Variants in ALMS1 observed in about 807,000 individuals in gnomAD.
ALMS1 encodes the protein ALMS1 centrosome and basal body associated protein.
A neutral mutation model predicts 352.2 loss-of-function variants in ALMS1; 271 were observed. The ratio of observed to expected loss-of-function variants is 0.77; its 90% confidence interval spans 0.70 to 0.85. The LOEUF (loss-of-function observed/expected upper bound fraction) is 0.85. Ranked by LOEUF, ALMS1 falls within the 40% of genes least tolerant of loss-of-function variation. The pLI, the probability that ALMS1 is intolerant of heterozygous loss-of-function variation, is 0.00. For synonymous variants in ALMS1, 1,865 were observed against 1,761.2 expected, an observed-to-expected ratio of 1.06 and a Z score of -1.48; for missense variants, 5,445 against 4,870.7, an observed-to-expected ratio of 1.12 and a Z score of -3.51.
chr2:73,609,352 T>C (rs925597353), intron 22 of ALMS1, among the ~76,000 whole-genome samples: 10 of 152,246 alleles, frequency 6.6e-5, no homozygotes, highest in African/African-American at 2.2e-4. Context: ...TGTGTCTCTA[T>C]AGAAATAATA....
rs779240181 is a variant in ALMS1 at position 73,490,645 on chromosome 2, G to A, written c.8686G>A (p.Ala2896Thr). 8 of 1,614,044 alleles carry A rather than the reference G, an allele frequency of 5.0e-6. No homozygotes were observed. In the Admixed American group the frequency reaches 1.2e-4, roughly 24 times the overall value. The change falls in exon 10 of 23, where the codon GCA becomes ACA. Residue 2896 changes from alanine (A) to threonine (T), a missense_variant. By Grantham distance (58) the Ala-to-Thr change is moderately conservative. Coordinates refer to ENST00000613296, the MANE Select transcript of ALMS1 (RefSeq NM_001378454.1). Reference sequence around the variant, plus strand: ...CTTTGAACAAAGCAAAGCCCCACGTGCAGATGACCATGTGAGGAAACACCA... The same window carrying A: ...CTTTGAACAAAGCAAAGCCCCACGTACAGATGACCATGTGAGGAAACACCA... Reference protein sequence around the residue: ...ELFEQSKAPRADDHVRKHHSP... With the variant: ...ELFEQSKAPRTDDHVRKHHSP...
intron 21 of ALMS1, among the ~76,000 whole-genome samples, chr2:73,606,787 T>A (rs1342796764): frequency 6.6e-6 from 1 of 152,194 alleles, no homozygotes; most frequent in Non-Finnish European, 1.5e-5. Context: ...GGCCTTCAAT[T>A]GTGTCCTATT....
intron 10 of ALMS1, among the ~76,000 whole-genome samples, chr2:73,501,718 A>G (rs1673221916): frequency 6.6e-6 from 1 of 152,128 alleles, no homozygotes; most frequent in African/African-American, 2.4e-5. Flanking sequence ...TCTTGAAATC[A>G]GGTTATGTCC....
chr2:73,532,936 C>A (rs577071789), intron 11 of ALMS1, among the ~76,000 whole-genome samples: 1 of 152,294 alleles, frequency 6.6e-6, no homozygotes, highest in South Asian at 2.1e-4. Context: ...CTTTAGTCAG[C>A]AGGTGATGAA....
intron 9 of ALMS1, chr2:73,462,913 T>C (rs1672239267): frequency 6.6e-6 from 1 of 152,040 alleles, no homozygotes; most frequent in South Asian, 2.1e-4. Flanking sequence ...CTAACTATCT[T>C]AAATATATAT....
chr2:73,507,658 T>C (rs998462352), intron 10 of ALMS1, among the ~76,000 whole-genome samples: 4 of 152,188 alleles, frequency 2.6e-5, no homozygotes, highest in African/African-American at 9.7e-5. Context: ...ATTTGATTCT[T>C]CTCTCTTTTC....
chr2:73,595,925 ATCT>A (rs1223505678), intron 16 of ALMS1, among the ~76,000 whole-genome samples: 1 of 152,168 alleles, frequency 6.6e-6, no homozygotes, highest in Non-Finnish European at 1.5e-5. Flanking sequence ...CCACTCTTAC[ATCT>A]TCTTTGATGA....
chr2:73,453,383 T>G lies in ALMS1; in HGVS notation c.6856T>G (p.Phe2286Val). 1 of 1,613,878 alleles carries G rather than the reference T, an allele frequency of 6.2e-7. No homozygotes were observed. Among genetic ancestry groups the G allele is most frequent in the Non-Finnish European group, 8.5e-7 (1 of 1,179,968 alleles). The stretch of plus-strand genomic sequence containing the variant: ...CAATTTTCCTGCTCCCCTTGCCCGT[T>G]TCAGAGATATTAGTGATATTTCATT... ...RCNFPAPLAR[F>V]RDISDISFIQ... Residue 2286 changes from phenylalanine (F) to valine (V), a missense_variant, in exon 8 of 23, where the codon TTC becomes GTC. Transcript: ENST00000613296.
intron 15 of ALMS1, among the ~76,000 whole-genome samples, chr2:73,560,996 G>A (rs889183378): frequency 2.0e-5 from 3 of 152,226 alleles, no homozygotes; most frequent in Non-Finnish European, 4.4e-5. Context: ...TTCACAAAAG[G>A]GGATGGGCTA....
intron 2 of ALMS1, 45 bp downstream of exon 2, chr2:73,408,792 C>G: frequency 3.2e-6 from 5 of 1,583,730 alleles, no homozygotes; most frequent in Non-Finnish European, 4.3e-6. Context: ...TGATAAGCAG[C>G]ACAAGAAATT....
chr2:73,401,290 T>G (rs1336415936), intron 1 of ALMS1, among the ~76,000 whole-genome samples: 1 of 152,214 alleles, frequency 6.6e-6, no homozygotes, highest in East Asian at 1.9e-4. Context: ...GATTTATTCT[T>G]CTTTTTCTAG....
intron 9 of ALMS1, among the ~76,000 whole-genome samples, chr2:73,474,634 C>T (rs573908375): frequency 1.3e-5 from 2 of 151,930 alleles, no homozygotes; most frequent in Non-Finnish European, 2.9e-5. Context: ...GCCACTGCAC[C>T]TGGCTGATGT....
intron 15 of ALMS1, among the ~76,000 whole-genome samples, chr2:73,566,923 C>T (rs1010585786): frequency 3.9e-5 from 6 of 152,186 alleles, no homozygotes; most frequent in Admixed American, 2.0e-4. Context: ...TCAAAGGATA[C>T]GCACGAACAA....
intron 16 of ALMS1, among the ~76,000 whole-genome samples, chr2:73,574,267 A>G (rs1456377350): frequency 6.6e-6 from 1 of 152,184 alleles, no homozygotes; most frequent in Non-Finnish European, 1.5e-5. Flanking sequence ...GGAGATCTCA[A>G]GGGGTCAATA....
chr2:73,594,298 A>G (rs1020691912), intron 16 of ALMS1, among the ~76,000 whole-genome samples: 1 of 152,220 alleles, frequency 6.6e-6, no homozygotes, highest in Non-Finnish European at 1.5e-5. Flanking sequence ...GGGTTGAGAG[A>G]GAATTTATTC....
chr2:73,475,953 G>A (rs1007870852), intron 9 of ALMS1, among the ~76,000 whole-genome samples: 4 of 151,542 alleles, frequency 2.6e-5, no homozygotes, highest in Non-Finnish European at 4.4e-5. Context: ...TGGTTCAGTG[G>A]CGTTAAGTAC....
Position 73,439,703 on chromosome 2 carries a change from G to C in ALMS1, c.1432+7412G>C, listed in dbSNP as rs1034762592. Among the ~76,000 whole-genome samples, 4 of 151,984 alleles carry C rather than the reference G, an allele frequency of 2.6e-5. No individual in the cohort carries two copies. In the South Asian group the frequency reaches 8.3e-4, roughly 32 times the overall value. On this transcript the variant is annotated intron_variant, in intron 7 of 22. Coordinates refer to ENST00000613296, the MANE Select transcript of ALMS1 (RefSeq NM_001378454.1). ...CTATAGGTGCACACCACCATACCAG[G>C]CTAATTTTTGTATTTTTAGTGGAGA...
intron 15 of ALMS1, among the ~76,000 whole-genome samples, chr2:73,571,909 A>T (rs931042718): frequency 1.3e-4 from 18 of 141,436 alleles, no homozygotes; most frequent in Admixed American, 2.7e-4. Flanking sequence ...AGGATTAATT[A>T]AAAAAAAAAC....
At chr2:73,542,656 T>G (rs1423638002) in intron 12 of ALMS1, among the ~76,000 whole-genome samples, 1 of 152,170 alleles carries the variant, frequency 6.6e-6, no homozygotes, top group Admixed American at 6.5e-5. Context: ...GATAAGCAAC[T>G]TCAGCAAAGT....
Sources: gnomAD v4.1 joint callset for allele counts (sites outside exome capture counted in the v4.1 genomes callset) on GRCh38, gnomAD v4.1.1 for gene constraint, MANE v1.5 for transcripts, NCBI Gene and HGNC (gene_info 2026-07-23, HGNC 2026-07-21) for gene names.